PSD3: variants seen among roughly 807,000 people sequenced by gnomAD.
The protein encoded by PSD3 is PH and SEC7 domain-containing protein 3.
A neutral mutation model predicts 105.5 loss-of-function variants in PSD3; 49 were observed. The observed-to-expected ratio is 0.46, with a 90% CI of 0.37 to 0.59. PSD3 has a LOEUF of 0.59. Ranked by LOEUF, PSD3 falls within the 20% of genes least tolerant of loss-of-function variation. The pLI, the probability that PSD3 is intolerant of heterozygous loss-of-function variation, is 0.00. For synonymous variants in PSD3, 557 were observed against 457.8 expected, an observed-to-expected ratio of 1.22 and a Z score of -2.77; for missense variants, 1,561 against 1,263.8, an observed-to-expected ratio of 1.24 and a Z score of -3.57.
At chr8:18,926,496 C>A (rs1821368894) in intron 2 of PSD3, among the ~76,000 whole-genome samples, 1 of 151,920 alleles carries the variant, frequency 6.6e-6, no homozygotes, top group Admixed American at 6.6e-5. Flanking sequence ...TTAAGCTGTA[C>A]AATAAACCAT....
At chr8:19,047,735 C>T (rs1586665415) in intron 1 of PSD3, among the ~76,000 whole-genome samples, 1 of 152,108 alleles carries the variant, frequency 6.6e-6, no homozygotes, top group East Asian at 1.9e-4. Context: ...ATGAACAAAG[C>T]AGACACCTAT....
At chr8:18,818,010 G>A (rs147818314) in intron 4 of PSD3, among the ~76,000 whole-genome samples, 20 of 152,320 alleles carry the variant, frequency 1.3e-4, no homozygotes, top group African/African-American at 4.6e-4. Flanking sequence ...CTGGAGTGCA[G>A]TGGCGCGATC....
At chr8:18,803,389 C>CTCTG (rs1554507246) in intron 6 of PSD3, 1 of 143,342 alleles carries the variant, frequency 7.0e-6, no homozygotes, top group African/African-American at 2.6e-5. Flanking sequence ...AATCTATAAA[C>CTCTG]TGTGTGTGTG....
At chr8:18,865,263 TATATATATATATA>T (rs1816800873) in intron 4 of PSD3, 72 of 7,052 alleles carry the variant, frequency 0.01, 9 homozygotes, top group Non-Finnish European at 0.012. Context: ...TATATATATA[TATATATATATATA>T]TATATATATA....
At chr8:18,544,867 G>A (rs1468511034) in intron 15 of PSD3, among the ~76,000 whole-genome samples, 1 of 152,084 alleles carries the variant, frequency 6.6e-6, no homozygotes, top group Non-Finnish European at 1.5e-5. Flanking sequence ...GGAGTTTCCT[G>A]GACAGGCCCT....
At chr8:18,744,930 G>C (rs1376613808) in intron 9 of PSD3, among the ~76,000 whole-genome samples, 2 of 152,124 alleles carry the variant, frequency 1.3e-5, no homozygotes, top group Non-Finnish European at 2.9e-5. Flanking sequence ...AAGAAGATGG[G>C]CCAGTTATTA....
At chr8:18,791,619 T>A (rs765688799) in intron 8 of PSD3, among the ~76,000 whole-genome samples, 6 of 151,988 alleles carry the variant, frequency 3.9e-5, no homozygotes, top group Middle Eastern at 3.4e-3. Flanking sequence ...CCAAAACCAA[T>A]AAAACCCTAA....
intron 1 of PSD3, among the ~76,000 whole-genome samples, chr8:18,936,775 A>G (rs553795389): frequency 1.3e-5 from 2 of 152,260 alleles, no homozygotes; most frequent in South Asian, 4.2e-4. Context: ...AAAAAAAGAA[A>G]ACTGTATTTT....
intron 11 of PSD3, among the ~76,000 whole-genome samples, chr8:18,617,138 G>T (rs1805752529): frequency 6.6e-6 from 1 of 152,108 alleles, no homozygotes; most frequent in Admixed American, 6.6e-5. Context: ...TGATGGGGAA[G>T]TTTTTTTCCT....
intron 8 of PSD3, among the ~76,000 whole-genome samples, chr8:18,772,323 G>A (rs1446059953): frequency 2.6e-5 from 4 of 152,106 alleles, no homozygotes; most frequent in African/African-American, 9.7e-5. Context: ...TTTCCACAGT[G>A]ATTGCACCAT....
At position 18,563,963 on chromosome 8, in the gene PSD3, T is replaced by C. The variant is rs547031707; in HGVS notation, c.2785-7611A>G. Among the ~76,000 whole-genome samples, 3 of 152,242 alleles carry C rather than the reference T, an allele frequency of 2.0e-5. No homozygotes were observed. The East Asian group carries it at 5.8e-4, about 29-fold the overall frequency. Reference sequence around the variant, plus strand: ...GTGTAGCCCAGGCAAGATGACCCACTGCAAAGAGTTTTAAAATCAGTATTG... The same window carrying C: ...GTGTAGCCCAGGCAAGATGACCCACCGCAAAGAGTTTTAAAATCAGTATTG... On this transcript the variant is annotated intron_variant, in intron 14 of 15. Transcript: ENST00000327040.
intron 15 of PSD3, among the ~76,000 whole-genome samples, chr8:18,546,568 T>G (rs1273677412): frequency 1.3e-5 from 2 of 152,222 alleles, no homozygotes; most frequent in East Asian, 1.9e-4. Context: ...ATTTTGGACA[T>G]ATAATGTAAA....
At chr8:18,713,373 C>A (rs1802376566) in intron 9 of PSD3, among the ~76,000 whole-genome samples, 1 of 152,104 alleles carries the variant, frequency 6.6e-6, no homozygotes, top group Non-Finnish European at 1.5e-5. Context: ...AAACCTATAT[C>A]TAGAAAACAC....
At chr8:18,701,679 C>A (rs755583671) in intron 9 of PSD3, among the ~76,000 whole-genome samples, 1 of 152,108 alleles carries the variant, frequency 6.6e-6, no homozygotes, top group African/African-American at 2.4e-5. Context: ...TATACACGTG[C>A]CTGTCAATGT....
chr8:19,006,929 T>G (rs1826707921), intron 1 of PSD3, among the ~76,000 whole-genome samples: 1 of 151,974 alleles, frequency 6.6e-6, no homozygotes. Flanking sequence ...GGGCTAGAAA[T>G]TAGGGAACCA....
chr8:18,987,291 T>TA (rs1473284618), intron 1 of PSD3, among the ~76,000 whole-genome samples: 16 of 147,176 alleles, frequency 1.1e-4, no homozygotes, highest in African/African-American at 3.9e-4. Flanking sequence ...TTTTTTTTTT[T>TA]ATATATATTT....
At chr8:19,011,090 C>T (rs912693968) in intron 1 of PSD3, among the ~76,000 whole-genome samples, 9 of 152,108 alleles carry the variant, frequency 5.9e-5, no homozygotes, top group East Asian at 3.9e-4. Context: ...AAATTGGAAA[C>T]GATCACTATC....
At chr8:19,012,490 CA>C (rs1241597798) in intron 1 of PSD3, among the ~76,000 whole-genome samples, 1 of 152,112 alleles carries the variant, frequency 6.6e-6, no homozygotes, top group Non-Finnish European at 1.5e-5. Flanking sequence ...TCACATCTCA[CA>C]AAAATCCAAT....
Position 18,792,853 on chromosome 8 carries a change from G to A in PSD3, c.2082+6442C>T, listed in dbSNP as rs1179289080. Among the ~76,000 whole-genome samples the A allele has an allele frequency of 2.0e-5, 3 of 152,154 alleles. No individual in the cohort carries two copies. In the East Asian group the frequency reaches 5.8e-4, roughly 29 times the overall value. ...ATATACCCAAAGGATTATAAATCAT[G>A]CTGCTATAAAGACACATGCACACTT... On this transcript the variant is annotated intron_variant, in intron 8 of 15. Transcript: ENST00000327040.
Sources: allele counts gnomAD v4.1 joint callset (sites outside exome capture counted in the v4.1 genomes callset), GRCh38; gene constraint gnomAD v4.1.1; transcripts MANE v1.5; gene names NCBI Gene and HGNC (gene_info 2026-07-23, HGNC 2026-07-21).